Variants in ZNF138 observed in about 807,000 individuals in gnomAD.
The protein encoded by ZNF138 is zinc finger protein 138.
Under a neutral mutation model 33.0 loss-of-function variants are expected in ZNF138, and 33 were observed. That is an observed-to-expected ratio of 1.00 (90% CI 0.76 to 1.34). The LOEUF (loss-of-function observed/expected upper bound fraction) is 1.34, where lower values mean the gene tolerates loss of function less well. Among genes scored for constraint, ZNF138 ranks in the 40% most tolerant of loss-of-function variants. The probability of loss-of-function intolerance (pLI) is 0.00; values close to 1 mark genes in which losing one functional copy is unlikely to be tolerated. For synonymous variants in ZNF138, 139 were observed against 120.4 expected (o/e 1.15, Z -1.01); for missense variants, 360 against 370.8 (o/e 0.97, Z 0.24).
the ZNF138 span, chr7:64,852,859 G>A: frequency 1.2e-6 from 1 of 862,330 alleles, no homozygotes; most frequent in South Asian, 1.3e-5. Flanking sequence ...CAATCCAGGG[G>A]TTTAGTACTG....
intron 1 of ZNF138, among the ~76,000 whole-genome samples, chr7:64,804,923 C>T (rs994705448): frequency 1.1e-4 from 16 of 152,164 alleles, no homozygotes; most frequent in African/African-American, 2.4e-4. Context: ...TCATAACACC[C>T]GTGTTTCTCA....
chr7:64,817,736 C>T (rs1041079078), intron 3 of ZNF138, among the ~76,000 whole-genome samples: 24 of 151,854 alleles, frequency 1.6e-4, no homozygotes, highest in Non-Finnish European at 1.6e-4. Flanking sequence ...TCCATTTTAC[C>T]GATATAACTC....
At position 64,832,635 on chromosome 7, in the gene ZNF138, CAT is replaced by C. The variant is rs1017180363; in HGVS notation, c.*435_*436del. 18 of 466,828 alleles carry C rather than the reference CAT, an allele frequency of 3.9e-5. No individual in the cohort carries two copies. Among genetic ancestry groups the C allele is most frequent in the African/African-American group, 3.2e-4 (16 of 49,830 alleles). 28.9% of individuals were successfully genotyped at this position (466,828 alleles called of 1,614,324 possible). ...TAACCAGTCCTCACACCTTATGAGA[CAT>C]AAGAAAATTCATAGTAAAGAGAAAC... On this transcript the variant is annotated 3_prime_UTR_variant, in exon 4 of 4. Coordinates refer to ENST00000307355, the MANE Select transcript of ZNF138 (RefSeq NM_001271639.2).
Position 64,832,342 on chromosome 7 carries a change from A to C in ZNF138, c.*140A>C, listed in dbSNP as rs1054658843. ...GGAGAGAAACCCCACAAATGTGAAG[A>C]ATGTGGCAGAGCTTTTAACCAGTCC... On this transcript the variant is annotated 3_prime_UTR_variant, in exon 4 of 4. Coordinates refer to ENST00000307355, the MANE Select transcript of ZNF138 (RefSeq NM_001271639.2). 13 of 1,568,296 alleles carry C rather than the reference A, an allele frequency of 8.3e-6. No individual in the cohort carries two copies. The highest frequency in any genetic ancestry group is 9.5e-6 in the Non-Finnish European group (11 of 1,162,110).
intron 3 of ZNF138, among the ~76,000 whole-genome samples, chr7:64,824,905 C>G (rs1018303373): frequency 1.3e-5 from 2 of 151,524 alleles, no homozygotes; most frequent in African/African-American, 4.8e-5. Context: ...CTCTGTCACC[C>G]AGGCTGGCTC....
chr7:64,839,553 C>T, the ZNF138 span, among the ~76,000 whole-genome samples: 6,976 of 152,200 alleles, frequency 0.046, 504 homozygotes, highest in African/African-American at 0.15. Context: ...AGGAAACTCT[C>T]CCTGGGTGTG....
intron 1 of ZNF138, among the ~76,000 whole-genome samples, chr7:64,801,825 C>T (rs948296361): frequency 2.0e-5 from 3 of 152,136 alleles, no homozygotes; most frequent in East Asian, 1.9e-4. Context: ...TATTCATGTG[C>T]ACCTGTGAAA....
intron 1 of ZNF138, among the ~76,000 whole-genome samples, chr7:64,804,673 C>T (rs1194618213): frequency 6.6e-6 from 1 of 152,078 alleles, no homozygotes; most frequent in Non-Finnish European, 1.5e-5. Flanking sequence ...CCCAGCTACT[C>T]CAGAGGCTGA....
chr7:64,860,763 A>G, the ZNF138 span, among the ~76,000 whole-genome samples: 1 of 152,216 alleles, frequency 6.6e-6, no homozygotes, highest in Non-Finnish European at 1.5e-5. Flanking sequence ...AAAATTATTG[A>G]CTAAAGTGAA....
the ZNF138 span, among the ~76,000 whole-genome samples, chr7:64,849,932 T>C: frequency 1.3e-5 from 2 of 152,270 alleles, no homozygotes; most frequent in Admixed American, 1.3e-4. Flanking sequence ...TGGAGTCTGC[T>C]CACCCAATTC....
intron 3 of ZNF138, among the ~76,000 whole-genome samples, chr7:64,825,701 A>G (rs1264152719): frequency 2.0e-5 from 3 of 151,170 alleles, no homozygotes; most frequent in South Asian, 2.1e-4. Flanking sequence ...TGCCATGCCT[A>G]GCTAATTTTT....
intron 1 of ZNF138, among the ~76,000 whole-genome samples, chr7:64,804,818 C>A (rs1294060930): frequency 6.6e-6 from 1 of 152,036 alleles, no homozygotes; most frequent in African/African-American, 2.4e-5. Context: ...CAGAGGCATT[C>A]CATTATAGAT....
the ZNF138 span, among the ~76,000 whole-genome samples, chr7:64,845,019 G>T: frequency 6.6e-6 from 1 of 152,072 alleles, no homozygotes; most frequent in African/African-American, 2.4e-5. Context: ...GTGAGATTTT[G>T]GTGCACCCAT....
At chr7:64,827,164 A>C (rs1477315276) in intron 3 of ZNF138, among the ~76,000 whole-genome samples, 2 of 150,390 alleles carry the variant, frequency 1.3e-5, no homozygotes, top group Non-Finnish European at 3.0e-5. Context: ...CTGATCTTCA[A>C]CTCCTGGTTT....
chr7:64,807,908 C>T (rs570578052), intron 1 of ZNF138, among the ~76,000 whole-genome samples: 1 of 152,312 alleles, frequency 6.6e-6, no homozygotes, highest in South Asian at 2.1e-4. Flanking sequence ...ACAACTGTAC[C>T]TACCCATAAA....
downstream of ZNF138, among the ~76,000 whole-genome samples, chr7:64,835,123 G>A (rs565219278): frequency 2.0e-5 from 3 of 152,140 alleles, no homozygotes; most frequent in South Asian, 4.1e-4. Context: ...ACACGCCCTA[G>A]TGGGCATGCG....
rs761400323 is a variant in ZNF138, at chr7:64,831,768, C to CT, written c.529dup (p.Cys177LeufsTer10). 1.2e-6 allele frequency: 2 copies of CT among 1,613,710 alleles called. No homozygotes were observed. Among genetic ancestry groups the CT allele is most frequent in the South Asian group, 2.2e-5 (2 of 90,940 alleles). The stretch of plus-strand genomic sequence containing the variant: ...CAGATGTAAAGAATGTGACAAATCA[C>CT]TTTGCATGCTTTCACGCCTAACTCA... On this transcript the variant is annotated frameshift_variant, in exon 4 of 4. Coordinates refer to ENST00000307355, the MANE Select transcript of ZNF138 (RefSeq NM_001271639.2). LOFTEE classifies it high-confidence loss of function.
chr7:64,832,012 G>T lies in ZNF138; in HGVS notation c.770G>T (p.Gly257Val). The T allele has an allele frequency of 6.2e-7, 1 of 1,613,694 alleles. No homozygotes were observed. ...AAACCCTATAAATGTGCACACTGTG[G>T]CAAAGCCTTTAAACAGTCCTCACAC... ...GEKPYKCAHC[G>V]KAFKQSSHLT... Residue 257 changes from glycine to valine, a missense_variant, in exon 4 of 4, where the codon GGC becomes GTC. By Grantham distance (109) the Gly-to-Val change is moderately radical. Transcript: ENST00000307355.
At chr7:64,823,055 T>G (rs1465436489) in intron 3 of ZNF138, among the ~76,000 whole-genome samples, 1 of 151,646 alleles carries the variant, frequency 6.6e-6, no homozygotes, top group Non-Finnish European at 1.5e-5. Context: ...TAATTTTGTA[T>G]TTTTAGTAGA....
Sources: allele counts gnomAD v4.1 joint callset (sites outside exome capture counted in the v4.1 genomes callset), GRCh38; gene constraint gnomAD v4.1.1; transcripts MANE v1.5; gene names NCBI Gene and HGNC (gene_info 2026-07-23, HGNC 2026-07-21).